Variants in SPATS2 observed in about 807,000 individuals in gnomAD.
SPATS2 encodes the protein spermatogenesis associated serine rich 2.
A neutral mutation model predicts 63.7 loss-of-function variants in SPATS2; 38 were observed. The ratio of observed to expected loss-of-function variants is 0.60; its 90% CI spans 0.46 to 0.78. The LOEUF (loss-of-function observed/expected upper bound fraction) is 0.78, where lower values mean the gene tolerates loss of function less well. Ranked by LOEUF, SPATS2 falls within the 30% of genes least tolerant of loss-of-function variation. The pLI, the probability that SPATS2 is intolerant of heterozygous loss-of-function variation, is 0.00. For synonymous variants in SPATS2, 207 were observed against 232.9 expected, an observed-to-expected ratio of 0.89 and a Z score of 1.01; for missense variants, 588 against 666.2, an observed-to-expected ratio of 0.88 and a Z score of 1.29.
chr12:49,502,347 T>A (rs1041724264), intron 9 of SPATS2, among the ~76,000 whole-genome samples: 4 of 152,194 alleles, frequency 2.6e-5, no homozygotes, highest in African/African-American at 9.6e-5. Context: ...AACCAAAACT[T>A]ACTTTGGGGC....
chr12:49,406,030 G>A (rs1298601517), intron 2 of SPATS2, among the ~76,000 whole-genome samples: 3 of 151,962 alleles, frequency 2.0e-5, no homozygotes, highest in African/African-American at 7.2e-5. Flanking sequence ...TTGGGAGGCC[G>A]AGGCGGGTGG....
chr12:49,441,668 C>A (rs1212390074), intron 2 of SPATS2: 1 of 152,136 alleles, frequency 6.6e-6, no homozygotes, highest in African/African-American at 2.4e-5. Context: ...CAGTTGTACA[C>A]AATTCTTAAC....
chr12:49,487,502 G>A (rs1946315093), intron 4 of SPATS2, among the ~76,000 whole-genome samples: 3 of 152,024 alleles, frequency 2.0e-5, no homozygotes, highest in Admixed American at 2.0e-4. Flanking sequence ...TAAAAAAACG[G>A]TCAGTGGGAA....
At chr12:49,496,458 C>CT (rs1592457536) in intron 7 of SPATS2, among the ~76,000 whole-genome samples, 1 of 152,148 alleles carries the variant, frequency 6.6e-6, no homozygotes. Flanking sequence ...GTTTAAAACT[C>CT]TTTTTTTCTT....
At chr12:49,464,604 G>A (rs533821698) in intron 3 of SPATS2, among the ~76,000 whole-genome samples, 267 of 148,676 alleles carry the variant, frequency 1.8e-3, no homozygotes, top group African/African-American at 6.3e-3. Context: ...TCCAGCCTGG[G>A]CAACAAGAGC....
intron 2 of SPATS2, among the ~76,000 whole-genome samples, chr12:49,437,139 C>A (rs547470947): frequency 6.6e-6 from 1 of 151,864 alleles, no homozygotes; most frequent in East Asian, 2.0e-4. Flanking sequence ...GGAGGGGCTC[C>A]TCACTTCTCA....
chr12:49,522,608 G>GC lies in SPATS2; in HGVS notation c.1009-142dup, dbSNP rs1393407292. On this transcript the variant is annotated intron_variant, in intron 11 of 13. Transcript: ENST00000552918. ...ATGAATGAATTTATTCGATCACCTG[G>GC]CGTTGGTCATGTGATGGCCATTTAA... 1.9e-5 allele frequency: 11 copies of GC among 564,836 alleles called. No individual in the cohort carries two copies. In the African/African-American group the frequency reaches 2.1e-4, roughly 11 times the overall value. The allele number at this position is 564,836 out of a possible 1,614,324, so 35.0% of individuals were successfully genotyped here. A position where few individuals can be genotyped will look rare whatever the true frequency, so the allele number is the denominator to read the frequency against.
intron 2 of SPATS2, among the ~76,000 whole-genome samples, chr12:49,383,729 T>C (rs1405433201): frequency 6.6e-6 from 1 of 152,200 alleles, no homozygotes; most frequent in African/African-American, 2.4e-5. Context: ...ATGGTGTTTA[T>C]TGCATAAAAT....
intron 9 of SPATS2, among the ~76,000 whole-genome samples, chr12:49,504,335 G>A (rs1165633199): frequency 2.0e-5 from 3 of 152,112 alleles, no homozygotes; most frequent in Non-Finnish European, 4.4e-5. Flanking sequence ...TCTTCTTATT[G>A]GTGACTTAGC....
chr12:49,431,312 G>A (rs958988170), intron 2 of SPATS2, among the ~76,000 whole-genome samples: 3 of 151,898 alleles, frequency 2.0e-5, no homozygotes, highest in South Asian at 2.1e-4. Flanking sequence ...GCAGTGGCGC[G>A]ATCTTGGCTC....
intron 2 of SPATS2, among the ~76,000 whole-genome samples, chr12:49,446,917 A>ATTTTC (rs1016418562): frequency 3.4e-5 from 5 of 149,248 alleles, no homozygotes; most frequent in African/African-American, 1.2e-4. Context: ...ATGTTCTTCT[A>ATTTTC]TTTTCTTTTC....
intron 3 of SPATS2, among the ~76,000 whole-genome samples, chr12:49,466,433 G>T (rs1330249171): frequency 6.6e-6 from 1 of 152,170 alleles, no homozygotes; most frequent in African/African-American, 2.4e-5. Flanking sequence ...CTCCCAAAGT[G>T]CTGGGATTAC....
chr12:49,368,225 T>A (rs1366971285), intron 1 of SPATS2, among the ~76,000 whole-genome samples: 1 of 152,248 alleles, frequency 6.6e-6, no homozygotes, highest in Admixed American at 6.5e-5. Flanking sequence ...AAAGTGGATC[T>A]TTCTCAAGCT....
intron 2 of SPATS2, among the ~76,000 whole-genome samples, chr12:49,403,727 A>G (rs1944648652): frequency 6.6e-6 from 1 of 151,982 alleles, no homozygotes; most frequent in Admixed American, 6.6e-5. Flanking sequence ...AATATCCTGG[A>G]AACTGGGTGC....
chr12:49,484,420 G>A (rs1051364416), intron 3 of SPATS2, among the ~76,000 whole-genome samples, 170 bp from the exon 4 acceptor site: 4 of 152,166 alleles, frequency 2.6e-5, no homozygotes, highest in African/African-American at 7.2e-5. Context: ...TGTATTATAA[G>A]TTTAATTCAA....
chr12:49,403,521 G>A (rs1189892227), intron 2 of SPATS2, among the ~76,000 whole-genome samples: 2 of 151,172 alleles, frequency 1.3e-5, no homozygotes, highest in Admixed American at 1.3e-4. Flanking sequence ...TCAACTACTC[G>A]GGAGGCTGAG....
At chr12:49,436,107 T>G (rs1036858848) in intron 2 of SPATS2, among the ~76,000 whole-genome samples, 1 of 151,884 alleles carries the variant, frequency 6.6e-6, no homozygotes, top group Admixed American at 6.6e-5. Context: ...CCCCTTTCTA[T>G]TCCACAAAAC....
At chr12:49,441,488 G>A (rs956661254) in intron 2 of SPATS2, among the ~76,000 whole-genome samples, 1 of 152,188 alleles carries the variant, frequency 6.6e-6, no homozygotes, top group Non-Finnish European at 1.5e-5. Flanking sequence ...AGAAAGAGAA[G>A]TAGATATGTT....
intron 4 of SPATS2, among the ~76,000 whole-genome samples, chr12:49,488,837 G>T (rs532089507): frequency 6.6e-6 from 1 of 152,062 alleles, no homozygotes; most frequent in African/African-American, 2.4e-5. Flanking sequence ...GCAAAAGCAC[G>T]TATGGAAATA....
Sources: gnomAD v4.1 joint callset for allele counts (sites outside exome capture counted in the v4.1 genomes callset) on GRCh38, gnomAD v4.1.1 for gene constraint, MANE v1.5 for transcripts, NCBI Gene and HGNC (gene_info 2026-07-23, HGNC 2026-07-21) for gene names.